The following ZGRF1 variants were observed in gnomAD, a reference collection of about 807,000 sequenced individuals.
ZGRF1 encodes the protein zinc finger GRF-type containing 1, also known as 5'-3' DNA helicase ZGRF1.
Under a neutral mutation model 203.5 loss-of-function variants are expected in ZGRF1, and 196 were observed. The ratio of observed to expected loss-of-function variants is 0.96; its 90% CI spans 0.86 to 1.08. The LOEUF (loss-of-function observed/expected upper bound fraction) is 1.08, where lower values mean the gene tolerates loss of function less well. Ranked by LOEUF, ZGRF1 falls within the 50% of genes least tolerant of loss-of-function variation. The pLI, the probability that ZGRF1 is intolerant of heterozygous loss-of-function variation, is 0.00. For missense variants in ZGRF1, 2,326 were observed against 2,416.3 expected, an observed-to-expected ratio of 0.96 and a Z score of 0.78; for synonymous variants, 809 against 841.3, an observed-to-expected ratio of 0.96 and a Z score of 0.66.
intron 10 of ZGRF1, among the ~76,000 whole-genome samples, chr4:112,600,693 T>C (rs1185803980): frequency 6.6e-6 from 1 of 152,126 alleles, no homozygotes; most frequent in East Asian, 1.9e-4. Context: ...CATAATGTCC[T>C]CTGGAATGTG....
chr4:112,567,186 C>T (rs1019191291), intron 16 of ZGRF1, among the ~76,000 whole-genome samples: 2 of 152,110 alleles, frequency 1.3e-5, no homozygotes, highest in African/African-American at 4.8e-5. Flanking sequence ...GCCTGGGGCT[C>T]TCCACCCCAT....
chr4:112,613,130 C>T (rs1021481115), intron 6 of ZGRF1, among the ~76,000 whole-genome samples: 2 of 152,136 alleles, frequency 1.3e-5, no homozygotes, highest in African/African-American at 4.8e-5. Context: ...CTTGTCTCTA[C>T]TAAAAATACA....
chr4:112,634,613 T>C (rs980815896), intron 1 of ZGRF1, among the ~76,000 whole-genome samples: 1 of 151,194 alleles, frequency 6.6e-6, no homozygotes, highest in African/African-American at 2.4e-5. Context: ...ATCACGCCAC[T>C]GCACTCCAGC....
chr4:112,606,418 T>C (rs1270436141), intron 8 of ZGRF1, among the ~76,000 whole-genome samples: 9 of 152,146 alleles, frequency 5.9e-5, no homozygotes, highest in Admixed American at 5.2e-4. Context: ...TCCCAGCACT[T>C]TGGGAGGACG....
intron 24 of ZGRF1, among the ~76,000 whole-genome samples, chr4:112,544,689 C>CTATACAAACATAGTGTT (rs1417955586): frequency 6.6e-6 from 1 of 152,084 alleles, no homozygotes; most frequent in Non-Finnish European, 1.5e-5. Flanking sequence ...AGAATGGCAA[C>CTATACAAACATAGTGTT]TATACAAACA....
Position 112,619,241 on chromosome 4 carries a change from A to C in ZGRF1, c.801T>G (p.Cys267Trp). 1.2e-6 allele frequency: 2 copies of C among 1,613,120 alleles called. No homozygotes were observed. Among genetic ancestry groups the C allele is most frequent in the Non-Finnish European group, 1.7e-6 (2 of 1,179,790 alleles). ...ALLKSESSSS[C>W]EELNSEMTEH... ...CTGTCATCTCAGAATTTAGTTCCTC[A>C]CATGAACTAGATGATTCGGACTTCA... Residue 267 changes from cysteine (C) to tryptophan (W), a missense_variant, in exon 6 of 28, where the codon TGT becomes TGG. Physicochemically the swap from Cys to Trp is radical, Grantham distance 215. Transcript: ENST00000505019.
chr4:112,605,053 C>T (rs1347080684), intron 9 of ZGRF1, among the ~76,000 whole-genome samples: 1 of 152,044 alleles, frequency 6.6e-6, no homozygotes, highest in African/African-American at 2.4e-5. Flanking sequence ...TAAAAATAAA[C>T]ATTGCAATAA....
intron 24 of ZGRF1, among the ~76,000 whole-genome samples, chr4:112,541,564 T>C (rs1406386004): frequency 2.7e-5 from 4 of 148,982 alleles, no homozygotes; most frequent in Non-Finnish European, 3.0e-5. Context: ...GGAGTCACCC[T>C]GTCGCCCAGG....
intron 10 of ZGRF1, among the ~76,000 whole-genome samples, chr4:112,601,901 G>A (rs554459952): frequency 3.3e-5 from 5 of 151,894 alleles, no homozygotes; most frequent in Admixed American, 6.6e-5. Context: ...AGATAAGCAC[G>A]TCAATTAAAA....
At chr4:112,593,421 T>C (rs988909918) in intron 10 of ZGRF1, among the ~76,000 whole-genome samples, 5 of 152,238 alleles carry the variant, frequency 3.3e-5, no homozygotes, top group Admixed American at 1.3e-4. Context: ...ATCTTCTATA[T>C]AGCAGCCAGC....
At position 112,631,277 on chromosome 4, in the gene ZGRF1, C is replaced by G. The variant is rs191495852; in HGVS notation, c.102+653G>C. On this transcript the variant is annotated intron_variant, in intron 3 of 27. Coordinates refer to ENST00000505019, the MANE Select transcript of ZGRF1 (RefSeq NM_018392.5). Reference sequence around the variant, plus strand: ...TCAGCCTCCCAACGTGGTGGGATTACAGGTATGAGCCATGATGCCTGGCCT... The same window carrying G: ...TCAGCCTCCCAACGTGGTGGGATTAGAGGTATGAGCCATGATGCCTGGCCT... Among the ~76,000 whole-genome samples the G allele has an allele frequency of 2.8e-3, 428 of 152,186 alleles. 1 individual carries two copies. Among genetic ancestry groups the G allele is most frequent in the African/African-American group, 9.6e-3 (397 of 41,546 alleles).
rs10434018 is a variant in ZGRF1, at chr4:112,550,049, C to T, written c.5347-1669G>A. ...CTACTAAACATACAAAAAAATTAGCCGGGCGTGGTGGCGGTGCCTGTAGTC... is the reference window on the plus strand; with the variant it reads ...CTACTAAACATACAAAAAAATTAGCTGGGCGTGGTGGCGGTGCCTGTAGTC... On this transcript the variant is annotated intron_variant, in intron 22 of 27. Coordinates refer to ENST00000505019, the MANE Select transcript of ZGRF1 (RefSeq NM_018392.5). Among the ~76,000 whole-genome samples the T allele has an allele frequency of 1.1e-3, 165 of 152,112 alleles. 3 individuals carry two copies. In the East Asian group the frequency reaches 0.03, roughly 28 times the overall value.
intron 16 of ZGRF1, chr4:112,565,297 C>T (rs1742824816): frequency 6.0e-6 from 9 of 1,508,804 alleles, no homozygotes; most frequent in Non-Finnish European, 8.2e-6. Flanking sequence ...TCTGGTTGGC[C>T]TTTTTGAAGA....
At chr4:112,627,730 A>C (rs955353788) in intron 3 of ZGRF1, among the ~76,000 whole-genome samples, 1 of 152,226 alleles carries the variant, frequency 6.6e-6, no homozygotes. Flanking sequence ...ACAGTGGAAG[A>C]CTTCTACTCA....
intron 7 of ZGRF1, among the ~76,000 whole-genome samples, chr4:112,610,506 G>A (rs1259054192): frequency 1.3e-5 from 2 of 151,928 alleles, no homozygotes; most frequent in Non-Finnish European, 2.9e-5. Flanking sequence ...AGGAGGCAGA[G>A]GCTGCAGTAA....
At chr4:112,583,867 T>C (rs1746697730) in intron 15 of ZGRF1, 111 bp downstream of exon 15, 2 of 657,032 alleles carry the variant, frequency 3.0e-6, no homozygotes, top group South Asian at 5.8e-5. Context: ...AGGTATTCCA[T>C]CTTTTAAATA....
intron 3 of ZGRF1, chr4:112,628,560 G>T: frequency 2.2e-6 from 1 of 455,806 alleles, no homozygotes; most frequent in South Asian, 1.5e-5. Flanking sequence ...AAGAATATAA[G>T]CAATAGCCTG....
At chr4:112,541,483 C>A (rs147797627) in intron 24 of ZGRF1, among the ~76,000 whole-genome samples, 7 of 150,200 alleles carry the variant, frequency 4.7e-5, no homozygotes, top group African/African-American at 1.5e-4. Context: ...AAGACGTCAA[C>A]CTTAGACTTA....
At chr4:112,597,908 GAAAA>G (rs35330505) in intron 10 of ZGRF1, among the ~76,000 whole-genome samples, 1 of 91,626 alleles carries the variant, frequency 1.1e-5, no homozygotes, top group African/African-American at 4.2e-5. Context: ...CACACACACT[GAAAA>G]AAAAAAAAAA....
Sources: gnomAD v4.1 joint callset for allele counts (sites outside exome capture counted in the v4.1 genomes callset) on GRCh38, gnomAD v4.1.1 for gene constraint, MANE v1.5 for transcripts, NCBI Gene and HGNC (gene_info 2026-07-23, HGNC 2026-07-21) for gene names.